Variants in SLC44A5 observed in about 807,000 individuals in gnomAD.
SLC44A5 encodes solute carrier family 44 member 5.
SLC44A5 carries 57 observed loss-of-function variants against 101.8 expected under a neutral mutation model. The observed-to-expected ratio is 0.56, with a 90% CI of 0.45 to 0.70. SLC44A5 has a LOEUF of 0.70. Among genes scored for constraint, SLC44A5 ranks in the 30% least tolerant of loss-of-function variants. The pLI, the probability that SLC44A5 is intolerant of heterozygous loss-of-function variation, is 0.00. For synonymous variants in SLC44A5, 281 were observed against 290.9 expected (o/e 0.97, Z 0.35); for missense variants, 737 against 853.1 (o/e 0.86, Z 1.70).
At position 75,218,471 on chromosome 1, in the gene SLC44A5, G is replaced by A. The variant is rs112204236; in HGVS notation, c.1529+19C>T. On this transcript the variant is annotated intron_variant, in intron 17 of 23. Coordinates refer to ENST00000370859, the MANE Select transcript of SLC44A5 (RefSeq NM_001130058.2). Reference sequence around the variant, plus strand: ...AATGTAACTGACAAGATAGGTGTAGGCTTCAACTTGAAACTTACCGTATGG... The same window carrying A: ...AATGTAACTGACAAGATAGGTGTAGACTTCAACTTGAAACTTACCGTATGG... The A allele has an allele frequency of 2.4e-4, 386 of 1,612,980 alleles. 2 individuals carry two copies. The African/African-American group carries it at 4.3e-3, about 18-fold the overall frequency.
the SLC44A5 span, among the ~76,000 whole-genome samples, chr1:75,659,455 A>AG: frequency 0.33 from 25,492 of 78,062 alleles, 4,030 homozygotes; most frequent in Middle Eastern, 0.4. Context: ...GAAGGAAGGA[A>AG]GGAAGGAAGG....
At chr1:75,639,008 G>A in the SLC44A5 span, among the ~76,000 whole-genome samples, 1 of 152,064 alleles carries the variant, frequency 6.6e-6, no homozygotes, top group East Asian at 1.9e-4. Flanking sequence ...GTTGATTCAT[G>A]TAACTGGAGA....
At chr1:75,538,170 A>T (rs1381457677) in intron 2 of SLC44A5, 1 of 152,200 alleles carries the variant, frequency 6.6e-6, no homozygotes, top group Admixed American at 6.5e-5. Context: ...GAATAAACAG[A>T]TGGATCTTGA....
At chr1:75,659,627 CAAAAAAAAAAAAA>C in the SLC44A5 span, among the ~76,000 whole-genome samples, 1 of 98,786 alleles carries the variant, frequency 1.0e-5, no homozygotes, top group African/African-American at 3.8e-5. Flanking sequence ...CCATCTCTAC[CAAAAAAAAAAAAA>C]AAAAAAAAAG....
At chr1:75,297,593 A>G (rs1006900659) in intron 5 of SLC44A5, among the ~76,000 whole-genome samples, 9 of 152,212 alleles carry the variant, frequency 5.9e-5, no homozygotes, top group Non-Finnish European at 2.9e-5. Context: ...ACCTGGCCAT[A>G]AAAATTTATT....
intron 2 of SLC44A5, among the ~76,000 whole-genome samples, chr1:75,401,283 C>G (rs761521192): frequency 6.6e-6 from 1 of 152,192 alleles, no homozygotes; most frequent in Non-Finnish European, 1.5e-5. Flanking sequence ...ATATCAAATT[C>G]TATGCTGGGC....
intron 3 of SLC44A5, among the ~76,000 whole-genome samples, chr1:75,377,133 A>C (rs950799586): frequency 6.6e-6 from 1 of 151,726 alleles, no homozygotes; most frequent in Non-Finnish European, 1.5e-5. Flanking sequence ...TCTGTGTAGA[A>C]AGAAGTAGAC....
intron 3 of SLC44A5, among the ~76,000 whole-genome samples, chr1:75,347,855 T>C (rs1658367626): frequency 6.6e-6 from 1 of 152,160 alleles, no homozygotes; most frequent in African/African-American, 2.4e-5. Flanking sequence ...GAGGCAGAAA[T>C]GTCGATGAAA....
chr1:75,445,510 C>A (rs1557791552), intron 2 of SLC44A5, among the ~76,000 whole-genome samples: 4 of 63,990 alleles, frequency 6.3e-5, no homozygotes, highest in South Asian at 1.1e-3. Context: ...ATTATACACA[C>A]AATATAATAT....
At chr1:75,420,367 C>T (rs1359457406) in intron 2 of SLC44A5, among the ~76,000 whole-genome samples, 1 of 151,608 alleles carries the variant, frequency 6.6e-6, no homozygotes, top group African/African-American at 2.4e-5. Context: ...AAAAAATGCT[C>T]ATTCAAAAAG....
chr1:75,698,764 A>G, the SLC44A5 span, among the ~76,000 whole-genome samples: 2 of 152,214 alleles, frequency 1.3e-5, no homozygotes, highest in African/African-American at 4.8e-5. Flanking sequence ...AAAAAAATTT[A>G]GAAGAATGTA....
At chr1:75,586,387 T>G (rs78029738) in intron 1 of SLC44A5, among the ~76,000 whole-genome samples, 31 of 130,214 alleles carry the variant, frequency 2.4e-4, no homozygotes, top group South Asian at 4.9e-4. Context: ...GTGTGTGTGT[T>G]TGTGTGTATC....
intron 6 of SLC44A5, among the ~76,000 whole-genome samples, chr1:75,274,701 A>G (rs74729459): frequency 0.025 from 3,818 of 152,268 alleles, 151 homozygotes; most frequent in African/African-American, 0.088. Context: ...GGTCCAATCT[A>G]TTCATTATAA....
chr1:75,219,173 G>T, intron 16 of SLC44A5, 84 bp downstream of exon 16: 1 of 994,568 alleles, frequency 1.0e-6, no homozygotes, highest in Non-Finnish European at 1.6e-6. Context: ...CTCTGCTTCG[G>T]GACAATTCCT....
the SLC44A5 span, among the ~76,000 whole-genome samples, chr1:75,701,435 G>C: frequency 6.6e-6 from 1 of 152,042 alleles, no homozygotes; most frequent in East Asian, 1.9e-4. Context: ...ATGCAGAAAA[G>C]GCCTTTGACA....
the SLC44A5 span, among the ~76,000 whole-genome samples, chr1:75,661,094 A>G: frequency 6.6e-6 from 1 of 152,188 alleles, no homozygotes; most frequent in East Asian, 1.9e-4. Flanking sequence ...AATATACTAC[A>G]AAAGCGTAGT....
chr1:75,647,174 A>C, the SLC44A5 span, among the ~76,000 whole-genome samples: 1 of 152,166 alleles, frequency 6.6e-6, no homozygotes. Flanking sequence ...CATCTCAGCC[A>C]TGGCTAAAAG....
intron 2 of SLC44A5, among the ~76,000 whole-genome samples, chr1:75,460,986 A>T (rs766273270): frequency 9.2e-5 from 14 of 152,242 alleles, no homozygotes; most frequent in Non-Finnish European, 1.9e-4. Flanking sequence ...ATATGGGGAG[A>T]GTTTTACAGA....
chr1:75,306,736 T>TTTTC (rs1172140086), intron 4 of SLC44A5, among the ~76,000 whole-genome samples: 6 of 118,854 alleles, frequency 5.0e-5, no homozygotes, highest in African/African-American at 1.6e-4. Context: ...TTCCTTTCTT[T>TTTTC]TTTTTTTTTT....
Sources: allele counts gnomAD v4.1 joint callset (sites outside exome capture counted in the v4.1 genomes callset), GRCh38; gene constraint gnomAD v4.1.1; transcripts MANE v1.5; gene names NCBI Gene and HGNC (gene_info 2026-07-23, HGNC 2026-07-21).